The following SGCZ variants were observed in gnomAD, a reference collection of about 807,000 sequenced individuals.
SGCZ encodes zeta-sarcoglycan.
Under a neutral mutation model 41.3 loss-of-function variants are expected in SGCZ, and 40 were observed. The observed-to-expected ratio is 0.97, with a 90% CI of 0.75 to 1.26. The LOEUF (loss-of-function observed/expected upper bound fraction) is 1.26, where lower values mean the gene tolerates loss of function less well. Among genes scored for constraint, SGCZ ranks in the 50% most tolerant of loss-of-function variants. The probability of loss-of-function intolerance (pLI) is 0.00; values close to 1 mark genes in which losing one functional copy is unlikely to be tolerated. For synonymous variants in SGCZ, 206 were observed against 137.5 expected (o/e 1.50, Z -3.49); for missense variants, 552 against 369.8 (o/e 1.49, Z -4.04).
intron 2 of SGCZ, among the ~76,000 whole-genome samples, chr8:14,461,174 G>T (rs1027913602): frequency 3.3e-5 from 5 of 152,018 alleles, no homozygotes; most frequent in East Asian, 1.9e-4. Context: ...CCCATCAAAA[G>T]CATCTCCTAC....
At chr8:14,457,425 G>T (rs1436666116) in intron 2 of SGCZ, among the ~76,000 whole-genome samples, 1 of 152,190 alleles carries the variant, frequency 6.6e-6, no homozygotes, top group Non-Finnish European at 1.5e-5. Context: ...TTAGCAGACC[G>T]GGAAAAGAGG....
intron 4 of SGCZ, among the ~76,000 whole-genome samples, chr8:14,235,358 A>G (rs780143115): frequency 6.6e-5 from 10 of 152,218 alleles, no homozygotes; most frequent in Non-Finnish European, 1.3e-4. Context: ...CCTCAGTAGA[A>G]TAAATGCATT....
At chr8:14,588,896 A>G (rs1307027747) in intron 1 of SGCZ, among the ~76,000 whole-genome samples, 2 of 152,210 alleles carry the variant, frequency 1.3e-5, no homozygotes, top group African/African-American at 4.8e-5. Context: ...AAATAATTAT[A>G]ATCGATACTA....
intron 1 of SGCZ, among the ~76,000 whole-genome samples, chr8:15,083,826 TCAAA>T (rs756666378): frequency 7.9e-5 from 12 of 152,156 alleles, no homozygotes; most frequent in East Asian, 1.9e-4. Context: ...GCTCTTGGGC[TCAAA>T]CAGTCTTCCC....
chr8:15,235,349 T>C (rs1802087358), intron 1 of SGCZ, among the ~76,000 whole-genome samples: 2 of 152,264 alleles, frequency 1.3e-5, no homozygotes, highest in African/African-American at 2.4e-5. Flanking sequence ...AAACATTTTC[T>C]AATAAGGCTT....
intron 2 of SGCZ, among the ~76,000 whole-genome samples, chr8:14,362,726 G>A (rs1803570912): frequency 6.6e-6 from 1 of 152,118 alleles, no homozygotes; most frequent in East Asian, 1.9e-4. Flanking sequence ...GTCCCAGTGA[G>A]GTGAACCAGT....
At chr8:14,296,373 G>T (rs889113674) in intron 3 of SGCZ, among the ~76,000 whole-genome samples, 1 of 152,150 alleles carries the variant, frequency 6.6e-6, no homozygotes, top group Non-Finnish European at 1.5e-5. Context: ...ACTGAGGAAA[G>T]TTCTTTAGTC....
chr8:14,505,801 G>A (rs1447106418), intron 2 of SGCZ, among the ~76,000 whole-genome samples: 1 of 151,976 alleles, frequency 6.6e-6, no homozygotes, highest in Admixed American at 6.6e-5. Flanking sequence ...CTCAAAAACT[G>A]GTCCCCATAC....
intron 1 of SGCZ, among the ~76,000 whole-genome samples, chr8:14,706,178 A>G (rs1563215311): frequency 6.6e-6 from 1 of 152,002 alleles, no homozygotes; most frequent in East Asian, 1.9e-4. Context: ...TATATCATGT[A>G]TCATCATTTA....
intron 1 of SGCZ, among the ~76,000 whole-genome samples, chr8:14,784,883 C>T (rs1373323690): frequency 2.2e-5 from 2 of 90,460 alleles, no homozygotes; most frequent in African/African-American, 4.6e-5. Context: ...ACTTGGGTAA[C>T]AAGAGTGAAA....
At chr8:14,860,037 A>G (rs1803666208) in intron 1 of SGCZ, among the ~76,000 whole-genome samples, 1 of 152,146 alleles carries the variant, frequency 6.6e-6, no homozygotes, top group African/African-American at 2.4e-5. Flanking sequence ...GAATCAAGGA[A>G]TCAGCGTTCC....
chr8:14,718,156 A>T (rs1809754429), intron 1 of SGCZ, among the ~76,000 whole-genome samples: 1 of 151,958 alleles, frequency 6.6e-6, no homozygotes, highest in Middle Eastern at 3.4e-3. Context: ...ACACATATGC[A>T]TGCACACACA....
intron 1 of SGCZ, among the ~76,000 whole-genome samples, chr8:14,716,117 T>C (rs929956855): frequency 5.3e-5 from 8 of 151,996 alleles, no homozygotes; most frequent in Admixed American, 6.6e-5. Flanking sequence ...TAGAAATTAA[T>C]TACCTTCTTA....
chr8:14,511,688 AT>A (rs1386197583), intron 2 of SGCZ, among the ~76,000 whole-genome samples: 22 of 152,306 alleles, frequency 1.4e-4, no homozygotes, highest in Admixed American at 3.9e-4. Flanking sequence ...ATGTGAAAGA[AT>A]TTAGGGAAGA....
At chr8:14,608,885 C>A (rs189851293) in intron 1 of SGCZ, among the ~76,000 whole-genome samples, 8 of 152,092 alleles carry the variant, frequency 5.3e-5, no homozygotes, top group Non-Finnish European at 1.2e-4. Context: ...TTTCTAAGAT[C>A]ATTAATATTC....
At chr8:14,880,529 A>T (rs1212662290) in intron 1 of SGCZ, among the ~76,000 whole-genome samples, 1 of 152,208 alleles carries the variant, frequency 6.6e-6, no homozygotes, top group Non-Finnish European at 1.5e-5. Context: ...CACTATTCAC[A>T]ATAGCAAAGA....
rs537707263 is a variant in SGCZ at position 14,222,991 on chromosome 8, T to C, written c.424+14601A>G. ...CACACCCAGCTAATTTTTGTATTTTTAGTAGAGACAGGGTTTCACCATGTA... is the reference window on the plus strand; with the variant it reads ...CACACCCAGCTAATTTTTGTATTTTCAGTAGAGACAGGGTTTCACCATGTA... On this transcript the variant is annotated intron_variant, in intron 4 of 7. Transcript: ENST00000382080. 2.6e-5 allele frequency among the ~76,000 whole-genome samples: 4 copies of C among 151,896 alleles called. No homozygotes were observed. In the South Asian group the frequency reaches 8.3e-4, roughly 32 times the overall value.
chr8:14,541,518 C>T (rs139302706), intron 2 of SGCZ, among the ~76,000 whole-genome samples: 18,938 of 152,014 alleles, frequency 0.12, 1,525 homozygotes, highest in South Asian at 0.19. Flanking sequence ...GAATATGTGC[C>T]GCATTTTCTT....
At chr8:15,029,844 C>T (rs1803593755) in intron 1 of SGCZ, among the ~76,000 whole-genome samples, 1 of 152,100 alleles carries the variant, frequency 6.6e-6, no homozygotes, top group South Asian at 2.1e-4. Context: ...TAATGGCTTC[C>T]ATGAGATGAT....
Sources: allele counts gnomAD v4.1 joint callset (sites outside exome capture counted in the v4.1 genomes callset), GRCh38; gene constraint gnomAD v4.1.1; transcripts MANE v1.5; gene names NCBI Gene and HGNC (gene_info 2026-07-23, HGNC 2026-07-21).